Variants in SUDS3 observed in about 807,000 individuals in gnomAD.
SUDS3 encodes SIN3A corepressor complex component SDS3, also known as sin3 histone deacetylase corepressor complex component SDS3.
In SUDS3, 23 loss-of-function variants were observed where a neutral mutation model predicts 53.5. The ratio of observed to expected loss-of-function variants is 0.43; its 90% CI spans 0.31 to 0.61. The LOEUF (loss-of-function observed/expected upper bound fraction) is 0.61, where lower values mean the gene tolerates loss of function less well. Ranked by LOEUF, SUDS3 falls within the 20% of genes least tolerant of loss-of-function variation. SUDS3 has a pLI of 0.10. For synonymous variants in SUDS3, 150 were observed against 148.5 expected (o/e 1.01, Z -0.08); for missense variants, 291 against 405.9 (o/e 0.72, Z 2.43).
Position 118,414,168 on chromosome 12 carries a change from C to T in SUDS3, c.889-167C>T, listed in dbSNP as rs1352179823. On this transcript the variant is annotated intron_variant, in intron 11 of 11. Transcript: ENST00000543473. The stretch of plus-strand genomic sequence containing the variant: ...CCCAGCGGCATGCCTTTAGATGGCC[C>T]GAGGTCAGGGGTGCTTATGAAGCCC... 3.3e-5 allele frequency among the ~76,000 whole-genome samples: 5 copies of T among 152,166 alleles called. No homozygotes were observed. In the South Asian group the frequency reaches 8.3e-4, roughly 25 times the overall value.
chr12:118,395,277 G>T (rs2046204682), intron 6 of SUDS3, among the ~76,000 whole-genome samples: 1 of 142,390 alleles, frequency 7.0e-6, no homozygotes, highest in African/African-American at 2.6e-5. Flanking sequence ...CCAGGCTGGA[G>T]TGCAGTGGCG....
chr12:118,376,907 A>C, intron 1 of SUDS3, 74 bp downstream of exon 1: 3 of 612,766 alleles, frequency 4.9e-6, no homozygotes, highest in Non-Finnish European at 6.6e-6. Context: ...GCTGTTCGGG[A>C]GAGGGGCGGG....
chr12:118,413,354 G>C (rs1159786805), intron 11 of SUDS3, among the ~76,000 whole-genome samples: 1 of 152,214 alleles, frequency 6.6e-6, no homozygotes, highest in African/African-American at 2.4e-5. Context: ...AAACAGGCAA[G>C]AAGAAGCCAG....
At chr12:118,412,570 A>AAT (rs1265385329) in intron 11 of SUDS3, among the ~76,000 whole-genome samples, 4 of 152,196 alleles carry the variant, frequency 2.6e-5, no homozygotes, top group Non-Finnish European at 4.4e-5. Flanking sequence ...CAGGGAAGCT[A>AAT]ATAGAGAGAC....
In SUDS3 at chr12:118,416,971, G is replaced by A. The variant is rs2046406247; in HGVS notation, c.*2538G>A. ...GATCAAGAACCTGTATATGTGTTGTGTTAGAGGCATCTGCCTCAAGTCTAT... is the reference window on the plus strand; with the variant it reads ...GATCAAGAACCTGTATATGTGTTGTATTAGAGGCATCTGCCTCAAGTCTAT... On this transcript the variant is annotated 3_prime_UTR_variant, in exon 12 of 12. Transcript: ENST00000543473. 6.6e-6 allele frequency: 1 copy of A among 152,230 alleles called. No individual in the cohort carries two copies. The highest frequency in any genetic ancestry group is 1.5e-5 in the Non-Finnish European group (1 of 68,056). The allele number at this position is 152,230 out of a possible 1,614,324, so 9.4% of individuals were successfully genotyped here.
At chr12:118,404,946 A>G (rs190079958) in intron 10 of SUDS3, among the ~76,000 whole-genome samples, 4 of 152,360 alleles carry the variant, frequency 2.6e-5, no homozygotes, top group African/African-American at 4.8e-5. Context: ...CCACCTATTA[A>G]GTTGCAGTGA....
At chr12:118,384,763 C>T (rs1222695446) in intron 3 of SUDS3, among the ~76,000 whole-genome samples, 4 of 151,082 alleles carry the variant, frequency 2.6e-5, no homozygotes, top group Admixed American at 1.3e-4. Flanking sequence ...AACCTGGAGG[C>T]GGAACTTGCA....
Position 118,376,588 on chromosome 12 carries a change from C to T in SUDS3, c.-104C>T. ...GGAAGGGGTCGCCGTGGCTGCCGGT[C>T]CTCGAGTTGGGGGCTGCCGCGGACA... On this transcript the variant is annotated 5_prime_UTR_variant, in exon 1 of 12. Transcript: ENST00000543473. 8.0e-7 allele frequency: 1 copy of T among 1,242,952 alleles called. No individual in the cohort carries two copies. Among genetic ancestry groups the T allele is most frequent in the South Asian group, 3.1e-5 (1 of 32,646 alleles). The allele number at this position is 1,242,952 out of a possible 1,614,324, so 77.0% of individuals were successfully genotyped here. A position where few individuals can be genotyped will look rare whatever the true frequency, so the allele number is the denominator to read the frequency against.
rs764145124 is a variant in SUDS3 at position 118,400,756 on chromosome 12, T to C, written c.613+2T>C. On this transcript the variant is annotated splice_donor_variant, in intron 7 of 11. Coordinates refer to ENST00000543473, the MANE Select transcript of SUDS3 (RefSeq NM_022491.3). LOFTEE classifies it high-confidence loss of function. ...ACAAGAGGAGGAAACCTGCTCCAGA[T>C]ATCCATTTACATCAAGCCTTAACCG... The C allele has an allele frequency of 6.2e-7, 1 of 1,613,864 alleles. No individual in the cohort carries two copies. The highest frequency in any genetic ancestry group is 1.1e-5 in the South Asian group (1 of 91,082).
chr12:118,389,697 G>A lies in SUDS3; in HGVS notation c.341-230G>A, dbSNP rs1339110699. On this transcript the variant is annotated intron_variant, in intron 4 of 11. Transcript: ENST00000543473. ...TGCCTGGCTAATTTTTATATTTTTAGTAGAGATGGGGTTTCGCCATGTTGG... is the reference window on the plus strand; with the variant it reads ...TGCCTGGCTAATTTTTATATTTTTAATAGAGATGGGGTTTCGCCATGTTGG... 2.0e-5 allele frequency among the ~76,000 whole-genome samples: 3 copies of A among 152,144 alleles called. No homozygotes were observed. In the East Asian group the frequency reaches 5.8e-4, roughly 29 times the overall value.
chr12:118,414,197 C>A, intron 11 of SUDS3, 138 bp from the exon 12 acceptor site: 2 of 648,736 alleles, frequency 3.1e-6, no homozygotes, highest in East Asian at 3.0e-5. Context: ...GAAGCCCTCA[C>A]AAGTTGAGAC....
chr12:118,415,995 G>A lies in SUDS3; in HGVS notation c.*1562G>A, dbSNP rs187852779. ...AGGATAAATGACGCTGTTATCAAAA[G>A]TTGCCTGGGGTTCTGTATTTCTTCT... On this transcript the variant is annotated 3_prime_UTR_variant, in exon 12 of 12. Transcript: ENST00000543473. The A allele has an allele frequency of 1.3e-5, 2 of 149,184 alleles. No individual in the cohort carries two copies. The highest frequency in any genetic ancestry group is 3.0e-5 in the Non-Finnish European group (2 of 67,572). The allele number at this position is 149,184 out of a possible 1,614,324, so 9.2% of individuals were successfully genotyped here. A position where few individuals can be genotyped will look rare whatever the true frequency, so the allele number is the denominator to read the frequency against.
chr12:118,382,317 A>ACATCT (rs2046072946), intron 2 of SUDS3, among the ~76,000 whole-genome samples: 1 of 150,932 alleles, frequency 6.6e-6, no homozygotes, highest in Non-Finnish European at 1.5e-5. Context: ...CATCGTGTTG[A>ACATCT]GATTACAGGC....
rs1441387988 is a variant in SUDS3, at chr12:118,414,745, T to A, written c.*312T>A. 4 of 222,510 alleles carry A rather than the reference T, an allele frequency of 1.8e-5. No homozygotes were observed. Among genetic ancestry groups the A allele is most frequent in the Non-Finnish European group, 1.8e-5 (2 of 114,072 alleles). The allele number at this position is 222,510 out of a possible 1,614,324, so 13.8% of individuals were successfully genotyped here. The stretch of plus-strand genomic sequence containing the variant: ...TTGCTTATACTTGTTTTTGAAAACC[T>A]CCTCTGAGTTTGAAGGGACAGCTAT... On this transcript the variant is annotated 3_prime_UTR_variant, in exon 12 of 12. Transcript: ENST00000543473.
At chr12:118,398,782 G>A (rs762198579) in intron 6 of SUDS3, among the ~76,000 whole-genome samples, 2 of 151,896 alleles carry the variant, frequency 1.3e-5, no homozygotes, top group Admixed American at 6.6e-5. Flanking sequence ...TCATCTACCC[G>A]TTCTGCACAA....
chr12:118,401,157 G>A (rs1277473417), intron 7 of SUDS3, among the ~76,000 whole-genome samples: 3 of 152,210 alleles, frequency 2.0e-5, no homozygotes, highest in Admixed American at 1.3e-4. Context: ...TGTCCATAAT[G>A]TAGTGGATTG....
chr12:118,391,694 T>C (rs1200063916), intron 6 of SUDS3, among the ~76,000 whole-genome samples: 1 of 152,254 alleles, frequency 6.6e-6, no homozygotes. Context: ...TCTGTGGTGA[T>C]GGGAATCCCT....
At chr12:118,389,711 T>C (rs557974802) in intron 4 of SUDS3, among the ~76,000 whole-genome samples, 12 of 152,358 alleles carry the variant, frequency 7.9e-5, no homozygotes, top group African/African-American at 2.9e-4. Flanking sequence ...AGATGGGGTT[T>C]CGCCATGTTG....
At chr12:118,387,232 T>C (rs1017917328) in intron 4 of SUDS3, among the ~76,000 whole-genome samples, 10 of 152,208 alleles carry the variant, frequency 6.6e-5, no homozygotes, top group African/African-American at 2.2e-4. Context: ...TCTGAGTTCC[T>C]GAAGCACCTC....
Sources: allele counts gnomAD v4.1 joint callset (sites outside exome capture counted in the v4.1 genomes callset), GRCh38; gene constraint gnomAD v4.1.1; transcripts MANE v1.5; gene names NCBI Gene and HGNC (gene_info 2026-07-23, HGNC 2026-07-21).